VWA8: variants seen among roughly 807,000 people sequenced by gnomAD.
VWA8 encodes von Willebrand factor A domain containing 8.
Under a neutral mutation model 241.5 loss-of-function variants are expected in VWA8, and 221 were observed. The observed-to-expected ratio is 0.91, with a 90% CI of 0.82 to 1.02. The LOEUF is 1.02. Ranked by LOEUF, VWA8 falls within the 50% of genes least tolerant of loss-of-function variation. The pLI is 0.00. For synonymous variants in VWA8, 852 were observed against 827.1 expected, an observed-to-expected ratio of 1.03 and a Z score of -0.52; for missense variants, 2,322 against 2,328.7, an observed-to-expected ratio of 1.00 and a Z score of 0.06.
At position 41,699,274 on chromosome 13, in the gene VWA8, A is replaced by G. The variant is rs2045235033; in HGVS notation, c.3365-4T>C. 1 of 1,613,920 alleles carries G rather than the reference A, an allele frequency of 6.2e-7. No individual in the cohort carries two copies. Among genetic ancestry groups the G allele is most frequent in the South Asian group, 1.1e-5 (1 of 91,044 alleles). The stretch of plus-strand genomic sequence containing the variant: ...TAGAGAGTATTTTGCTCATTTTCTG[A>G]AATGACAAAAAGGTGTTAATTTTGT... On this transcript the variant is annotated splice_polypyrimidine_tract_variant and splice_region_variant and intron_variant, in intron 28 of 44. Transcript: ENST00000379310.
At chr13:41,761,068 C>G in intron 21 of VWA8, 60 bp downstream of exon 21, 1 of 1,530,766 alleles carries the variant, frequency 6.5e-7, no homozygotes, top group Non-Finnish European at 8.9e-7. Context: ...TAAATTGTAC[C>G]AGGAGGGAAA....
chr13:41,845,198 C>A (rs951282635), intron 12 of VWA8, among the ~76,000 whole-genome samples: 3 of 152,034 alleles, frequency 2.0e-5, no homozygotes, highest in African/African-American at 7.2e-5. Flanking sequence ...CGAAAAAATG[C>A]TCAACATCAC....
chr13:41,629,656 T>A (rs1421610804), intron 37 of VWA8, among the ~76,000 whole-genome samples: 2 of 152,226 alleles, frequency 1.3e-5, no homozygotes, highest in African/African-American at 4.8e-5. Context: ...CTAGGAATGA[T>A]GTTTTTTCAC....
At chr13:41,807,484 C>T (rs1870267540) in intron 17 of VWA8, among the ~76,000 whole-genome samples, 1 of 152,198 alleles carries the variant, frequency 6.6e-6, no homozygotes, top group African/African-American at 2.4e-5. Context: ...TTATAAAGAT[C>T]ATTCATCATG....
chr13:41,918,809 A>G (rs1262298501), intron 2 of VWA8, among the ~76,000 whole-genome samples: 1 of 152,200 alleles, frequency 6.6e-6, no homozygotes, highest in Non-Finnish European at 1.5e-5. Context: ...ATTTTCTTAA[A>G]TGATACACAT....
chr13:41,901,491 A>G (rs1392563316), intron 4 of VWA8, among the ~76,000 whole-genome samples: 1 of 152,132 alleles, frequency 6.6e-6, no homozygotes, highest in African/African-American at 2.4e-5. Context: ...ACCTAGCACA[A>G]CGTAGGTCTC....
Position 41,887,497 on chromosome 13 carries a change from A to G in VWA8, c.652-136T>C, listed in dbSNP as rs1318817665. 9 of 954,730 alleles carry G rather than the reference A, an allele frequency of 9.4e-6. No homozygotes were observed. In the Admixed American group the frequency reaches 3.1e-4, roughly 33 times the overall value. 59.1% of individuals were successfully genotyped at this position (954,730 alleles called of 1,614,324 possible). A position where few individuals can be genotyped will look rare whatever the true frequency, so the allele number is the denominator to read the frequency against. ...GAACACTCTCAAATCCATACTGTCA[A>G]GGAAGGCAGCAAAGTGAAATCAGGT... On this transcript the variant is annotated intron_variant, in intron 5 of 44. Transcript: ENST00000379310.
chr13:41,746,722 A>T (rs983205480), intron 21 of VWA8, among the ~76,000 whole-genome samples: 19 of 152,344 alleles, frequency 1.2e-4, no homozygotes, highest in Admixed American at 2.0e-4. Flanking sequence ...TAAGGATATC[A>T]CTATTGACAA....
chr13:41,926,809 A>G (rs1379038323), intron 2 of VWA8: 11 of 557,302 alleles, frequency 2.0e-5, no homozygotes, highest in Non-Finnish European at 4.0e-5. Flanking sequence ...AAGCTGCCAG[A>G]AACTAACCTC....
At chr13:41,652,897 T>G (rs2044878532) in intron 37 of VWA8, among the ~76,000 whole-genome samples, 1 of 152,218 alleles carries the variant, frequency 6.6e-6, no homozygotes, top group Non-Finnish European at 1.5e-5. Flanking sequence ...CAAGAATTTG[T>G]CATTAGTTGT....
At chr13:41,590,498 C>G in intron 41 of VWA8, 142 bp downstream of exon 41, 1 of 654,168 alleles carries the variant, frequency 1.5e-6, no homozygotes, top group Non-Finnish European at 2.2e-6. Context: ...TCTTCTTCTT[C>G]TTTTTTTTTT....
At chr13:41,660,313 T>C (rs1312312036) in intron 37 of VWA8, among the ~76,000 whole-genome samples, 1 of 151,976 alleles carries the variant, frequency 6.6e-6, no homozygotes, top group Non-Finnish European at 1.5e-5. Context: ...ATGGGGTTTC[T>C]CCATGTTGCC....
chr13:41,806,687 A>G (rs1870225273), intron 17 of VWA8, among the ~76,000 whole-genome samples: 1 of 151,994 alleles, frequency 6.6e-6, no homozygotes, highest in South Asian at 2.1e-4. Flanking sequence ...TGGGCAACAG[A>G]GCAAGCCTCT....
At chr13:41,934,498 C>T (rs1481164622) in intron 2 of VWA8, among the ~76,000 whole-genome samples, 2 of 151,990 alleles carry the variant, frequency 1.3e-5, no homozygotes, top group Non-Finnish European at 2.9e-5. Flanking sequence ...ACTTGTACAT[C>T]AATGTTGAGA....
chr13:41,615,482 T>C (rs1352083169), intron 37 of VWA8, among the ~76,000 whole-genome samples: 1 of 152,176 alleles, frequency 6.6e-6, no homozygotes, highest in Non-Finnish European at 1.5e-5. Context: ...AGCTGAGTCA[T>C]TATATACACA....
intron 43 of VWA8, among the ~76,000 whole-genome samples, chr13:41,573,108 CAA>C (rs71086585): frequency 6.1e-4 from 44 of 72,388 alleles, no homozygotes; most frequent in African/African-American, 1.5e-3. Flanking sequence ...GACACCGTTT[CAA>C]AAAAAAAAAA....
chr13:41,614,918 C>CT (rs2044611352), intron 38 of VWA8, 58 bp downstream of exon 38: 2 of 1,559,798 alleles, frequency 1.3e-6, no homozygotes, highest in Non-Finnish European at 1.8e-6. Context: ...ATGTGCTGGC[C>CT]TAATGGGCTT....
At chr13:41,808,510 C>T (rs1169909160) in intron 17 of VWA8, among the ~76,000 whole-genome samples, 2 of 152,122 alleles carry the variant, frequency 1.3e-5, no homozygotes, top group African/African-American at 2.4e-5. Context: ...CTCATGAGAA[C>T]TCACTCACTG....
Position 41,912,045 on chromosome 13 carries a change from T to G in VWA8, c.365A>C (p.Gln122Pro). ...PGPLRRSIAM[Q>P]YLELTKREVE... ...CAAGAATTAACTGCTCACCAAGTAC[T>G]GCATAGCAATAGAGCGTCGAAGAGG... is the stretch of plus-strand genomic sequence containing the variant. Residue 122 changes from glutamine (Q) to proline (P), a missense_variant, in exon 3 of 45, where the codon CAG becomes CCG. Gln to Pro is a moderately conservative substitution (Grantham distance 76, BLOSUM62 -1). Coordinates refer to ENST00000379310, the MANE Select transcript of VWA8 (RefSeq NM_015058.2). 1 of 1,587,430 alleles carries G rather than the reference T, an allele frequency of 6.3e-7. No homozygotes were observed. The highest frequency in any genetic ancestry group is 1.2e-5 in the South Asian group (1 of 85,194).
Sources: allele counts gnomAD v4.1 joint callset (sites outside exome capture counted in the v4.1 genomes callset), GRCh38; gene constraint gnomAD v4.1.1; transcripts MANE v1.5; gene names NCBI Gene and HGNC (gene_info 2026-07-23, HGNC 2026-07-21).